RHBDD1: variants seen among roughly 807,000 people sequenced by gnomAD.
RHBDD1 encodes rhomboid-related protein 4.
A neutral mutation model predicts 36.3 loss-of-function variants in RHBDD1; 38 were observed. The ratio of observed to expected loss-of-function variants is 1.05; its 90% CI spans 0.81 to 1.37. The LOEUF (loss-of-function observed/expected upper bound fraction) is 1.37, where lower values mean the gene tolerates loss of function less well. Among genes scored for constraint, RHBDD1 ranks in the 40% most tolerant of loss-of-function variants. RHBDD1 has a pLI of 0.00. For synonymous variants in RHBDD1, 151 were observed against 136.5 expected, an observed-to-expected ratio of 1.11 and a Z score of -0.74; for missense variants, 393 against 377.6, an observed-to-expected ratio of 1.04 and a Z score of -0.34.
intron 8 of RHBDD1, among the ~76,000 whole-genome samples, chr2:226,948,532 C>G (rs10175645): frequency 0.52 from 63,290 of 121,478 alleles, 15,315 homozygotes; most frequent in African/African-American, 0.59. Context: ...CTAACCTGCA[C>G]AATGTGCACA....
At chr2:226,906,493 C>T (rs756655713) in intron 5 of RHBDD1, among the ~76,000 whole-genome samples, 5 of 152,254 alleles carry the variant, frequency 3.3e-5, no homozygotes, top group Non-Finnish European at 5.9e-5. Flanking sequence ...AAACGGAAAG[C>T]GATGTAATGA....
chr2:226,953,548 A>G (rs1157448117), intron 8 of RHBDD1, among the ~76,000 whole-genome samples: 3 of 152,148 alleles, frequency 2.0e-5, no homozygotes, highest in Admixed American at 6.5e-5. Context: ...TGGAATCTAT[A>G]TCATTACACT....
intron 8 of RHBDD1, among the ~76,000 whole-genome samples, chr2:226,931,874 A>G (rs1575145657): frequency 4.7e-5 from 2 of 42,598 alleles, no homozygotes; most frequent in East Asian, 1.0e-3. Context: ...TATCTACTGA[A>G]AAAAAAAATC....
intron 3 of RHBDD1, among the ~76,000 whole-genome samples, chr2:226,856,113 A>G (rs1159197788): frequency 6.6e-6 from 1 of 152,226 alleles, no homozygotes; most frequent in Non-Finnish European, 1.5e-5. Flanking sequence ...CTCAGGTAGA[A>G]TATGCATTCT....
intron 8 of RHBDD1, among the ~76,000 whole-genome samples, chr2:226,952,981 C>A (rs1951535702): frequency 6.6e-6 from 1 of 152,100 alleles, no homozygotes; most frequent in African/African-American, 2.4e-5. Flanking sequence ...TAATGGTTTC[C>A]TTATTTGTCT....
intron 5 of RHBDD1, among the ~76,000 whole-genome samples, chr2:226,899,342 A>G (rs998059041): frequency 1.3e-5 from 2 of 152,190 alleles, no homozygotes; most frequent in African/African-American, 4.8e-5. Flanking sequence ...ATCCCATATA[A>G]ATAATGTATA....
At chr2:226,989,596 T>C (rs1957731113) in intron 8 of RHBDD1, among the ~76,000 whole-genome samples, 1 of 152,236 alleles carries the variant, frequency 6.6e-6, no homozygotes, top group Admixed American at 6.5e-5. Context: ...CTTTGTCTCT[T>C]TGACTTTTCT....
intron 8 of RHBDD1, among the ~76,000 whole-genome samples, chr2:226,948,583 A>C (rs1174491176): frequency 7.5e-5 from 9 of 119,604 alleles, no homozygotes; most frequent in South Asian, 2.7e-4. Context: ...AAAAAAAAAA[A>C]AACGAAAAAA....
chr2:226,939,497 C>T (rs1433847522), intron 8 of RHBDD1, among the ~76,000 whole-genome samples: 3 of 152,124 alleles, frequency 2.0e-5, no homozygotes, highest in Non-Finnish European at 4.4e-5. Flanking sequence ...AAGCTGAGAG[C>T]CAAATCACGA....
rs986679226 is a variant in RHBDD1, at chr2:226,953,090, G to A, written c.856+38739G>A. On this transcript the variant is annotated intron_variant, in intron 8 of 8. Coordinates refer to ENST00000392062, the MANE Select transcript of RHBDD1 (RefSeq NM_001167608.3). ...GAAAATGTAAAATAGCGTGTTTTTT[G>A]TGTATTCTTTAGGCTTGAGTCTTTA... Among the ~76,000 whole-genome samples the A allele has an allele frequency of 1.5e-4, 23 of 152,170 alleles. 1 individual carries two copies. The highest frequency in any genetic ancestry group is 1.4e-3 in the Admixed American group (21 of 15,278).
rs370069612 is a variant in RHBDD1, at chr2:226,879,320, G to A, written c.566+12002G>A. On this transcript the variant is annotated intron_variant, in intron 5 of 8. Transcript: ENST00000392062. ...CATTTATTGCCTTCAGTGGAAGAGA[G>A]AATTAGATTGCCAGGACTCTGGTGG... Among the ~76,000 whole-genome samples the A allele has an allele frequency of 3.3e-4, 50 of 152,308 alleles. No homozygotes were observed. The South Asian group carries it at 8.9e-3, about 27-fold the overall frequency.
At chr2:226,898,010 A>G (rs1326701426) in intron 5 of RHBDD1, among the ~76,000 whole-genome samples, 1 of 151,852 alleles carries the variant, frequency 6.6e-6, no homozygotes, top group Non-Finnish European at 1.5e-5. Flanking sequence ...CAACAACAAA[A>G]CAAACAAAAA....
chr2:226,857,414 A>C (rs1943442250), intron 3 of RHBDD1, among the ~76,000 whole-genome samples: 1 of 152,202 alleles, frequency 6.6e-6, no homozygotes, highest in African/African-American at 2.4e-5. Flanking sequence ...CAACCATATG[A>C]GCCAGCAATT....
intron 5 of RHBDD1, among the ~76,000 whole-genome samples, chr2:226,885,524 CACAAT>C (rs1441139837): frequency 3.3e-5 from 5 of 151,936 alleles, no homozygotes; most frequent in Admixed American, 3.3e-4. Flanking sequence ...GCTTAGAAAA[CACAAT>C]AAAATAAGGG....
chr2:226,901,407 A>T (rs1947582417), intron 5 of RHBDD1, among the ~76,000 whole-genome samples: 1 of 152,190 alleles, frequency 6.6e-6, no homozygotes, highest in Non-Finnish European at 1.5e-5. Context: ...GCAGAAGTAG[A>T]ATTGCTGGAT....
intron 8 of RHBDD1, among the ~76,000 whole-genome samples, chr2:226,990,571 G>A (rs145594783): frequency 6.0e-4 from 91 of 152,266 alleles, no homozygotes; most frequent in Middle Eastern, 3.4e-3. Flanking sequence ...GAACGGTAGG[G>A]AAAATGGCCA....
chr2:226,895,269 G>A (rs187267882), intron 5 of RHBDD1, among the ~76,000 whole-genome samples: 1 of 152,294 alleles, frequency 6.6e-6, no homozygotes, highest in African/African-American at 2.4e-5. Context: ...TAGACTGCTG[G>A]GCTAACACCT....
intron 5 of RHBDD1, among the ~76,000 whole-genome samples, chr2:226,882,430 C>CAAAAAAAA (rs58149634): frequency 5.3e-5 from 3 of 57,096 alleles, no homozygotes; most frequent in Admixed American, 2.1e-4. Flanking sequence ...GACTTTGCCT[C>CAAAAAAAA]AAAAAAAAAA....
At chr2:226,876,881 A>G (rs2115599) in intron 5 of RHBDD1, among the ~76,000 whole-genome samples, 26,236 of 152,192 alleles carry the variant, frequency 0.17, 3,475 homozygotes, top group African/African-American at 0.37. Context: ...AAGTTTATGA[A>G]AAATTAATGT....
Sources: allele counts gnomAD v4.1 joint callset (sites outside exome capture counted in the v4.1 genomes callset), GRCh38; gene constraint gnomAD v4.1.1; transcripts MANE v1.5; gene names NCBI Gene and HGNC (gene_info 2026-07-23, HGNC 2026-07-21).